The following CEMIP variants were observed in gnomAD, a reference collection of about 807,000 sequenced individuals.
CEMIP encodes the protein cell migration inducing hyaluronidase 1, also known as cell migration-inducing and hyaluronan-binding protein.
Under a neutral mutation model 156.9 loss-of-function variants are expected in CEMIP, and 105 were observed. The ratio of observed to expected loss-of-function variants is 0.67; its 90% CI spans 0.57 to 0.79. The LOEUF (loss-of-function observed/expected upper bound fraction) is 0.79. CEMIP is among the 30% of genes least tolerant of loss of function. CEMIP has a pLI of 0.00. For missense variants in CEMIP, 1,457 were observed against 1,769.4 expected (o/e 0.82, Z 3.17); for synonymous variants, 676 against 668.4 (o/e 1.01, Z -0.17).
chr15:80,866,883 G>C (rs919325616), intron 1 of CEMIP, among the ~76,000 whole-genome samples: 1 of 151,704 alleles, frequency 6.6e-6, no homozygotes, highest in Non-Finnish European at 1.5e-5. Flanking sequence ...AATAGAAACA[G>C]AAGAAGGAAT....
intron 1 of CEMIP, among the ~76,000 whole-genome samples, chr15:80,840,550 C>A (rs541468193): frequency 4.6e-5 from 7 of 152,320 alleles, no homozygotes; most frequent in South Asian, 2.1e-4. Flanking sequence ...TCTGAAATGG[C>A]CTCTCCGGCT....
intron 1 of CEMIP, among the ~76,000 whole-genome samples, chr15:80,840,159 G>A (rs1211719840): frequency 6.6e-6 from 1 of 152,220 alleles, no homozygotes; most frequent in Non-Finnish European, 1.5e-5. Context: ...TCGGAGGGTG[G>A]CCCCAGAAGA....
rs1012973929 is a variant in CEMIP at position 80,875,655 on chromosome 15, C to A, written c.94+1682C>A. On this transcript the variant is annotated intron_variant, in intron 3 of 29. Coordinates refer to ENST00000394685, the MANE Select transcript of CEMIP (RefSeq NM_001293298.2). ...CTCTGATGTCAGAGGGATGTAGAAG[C>A]CAACCCTTGCTATTCATGCTCCAAG... 5.1e-4 allele frequency among the ~76,000 whole-genome samples: 78 copies of A among 152,166 alleles called. 2 individuals are homozygous for A. The highest frequency in any genetic ancestry group is 1.5e-5 in the Non-Finnish European group (1 of 68,024).
intron 1 of CEMIP, among the ~76,000 whole-genome samples, chr15:80,804,618 G>A (rs1896464336): frequency 6.6e-6 from 1 of 152,312 alleles, no homozygotes; most frequent in East Asian, 1.9e-4. Context: ...GATGTCCCAG[G>A]AGAGGTTTCC....
At chr15:80,882,545 T>A (rs1320058184) in intron 6 of CEMIP, among the ~76,000 whole-genome samples, 1 of 152,252 alleles carries the variant, frequency 6.6e-6, no homozygotes, top group Non-Finnish European at 1.5e-5. Context: ...TGGTGCTGTT[T>A]CTTAAGTACA....
intron 17 of CEMIP, among the ~76,000 whole-genome samples, chr15:80,923,909 C>T (rs1468295961): frequency 6.6e-6 from 1 of 152,202 alleles, no homozygotes; most frequent in Non-Finnish European, 1.5e-5. Context: ...TCATCGGACT[C>T]ACATCACCGC....
intron 12 of CEMIP, chr15:80,902,972 A>T (rs534440605): frequency 1.3e-5 from 2 of 152,294 alleles, no homozygotes; most frequent in East Asian, 3.9e-4. Context: ...TCCATTTTAT[A>T]GATGAAGAGC....
rs1000687628 is a variant in CEMIP, at chr15:80,781,977, G to A, written c.-176+2363G>A. ...CCATCTTCACTTTATTTTTGCATCC[G>A]AGAACTTGTTGATGGAATTGATGAA... On this transcript the variant is annotated intron_variant, in intron 1 of 29. Coordinates refer to ENST00000394685, the MANE Select transcript of CEMIP (RefSeq NM_001293298.2). 6.6e-5 allele frequency among the ~76,000 whole-genome samples: 10 copies of A among 152,070 alleles called. 1 individual carries two copies. In the South Asian group the frequency reaches 8.3e-4, roughly 13 times the overall value.
chr15:80,907,253 G>T (rs117439177), intron 13 of CEMIP, among the ~76,000 whole-genome samples: 4 of 152,346 alleles, frequency 2.6e-5, no homozygotes, highest in Admixed American at 1.3e-4. Context: ...ACAATAAGCA[G>T]GTGAGAGGAA....
intron 12 of CEMIP, among the ~76,000 whole-genome samples, chr15:80,905,654 G>A (rs1322306278): frequency 6.6e-6 from 1 of 152,160 alleles, no homozygotes; most frequent in Non-Finnish European, 1.5e-5. Context: ...ATTACTAGGA[G>A]GGGTAGCAGA....
In CEMIP at chr15:80,942,835, T is replaced by C; in HGVS notation, c.3700-110T>C. 5 of 1,260,808 alleles carry C rather than the reference T, an allele frequency of 4.0e-6. No individual in the cohort carries two copies. In the South Asian group the frequency reaches 6.0e-5, roughly 15 times the overall value. The allele number at this position is 1,260,808 out of a possible 1,614,324, so 78.1% of individuals were successfully genotyped here. ...TGGATAATGGAGTTTACGCTTCAAA[T>C]AGATGCATAGGCAACTTCTGCCTTC... On this transcript the variant is annotated intron_variant, in intron 27 of 29. Transcript: ENST00000394685.
At chr15:80,936,434 A>G (rs1176932847) in intron 23 of CEMIP, among the ~76,000 whole-genome samples, 2 of 152,232 alleles carry the variant, frequency 1.3e-5, no homozygotes, top group Admixed American at 6.5e-5. Context: ...TCAACAGAGC[A>G]CTTTTATGAA....
intron 1 of CEMIP, among the ~76,000 whole-genome samples, chr15:80,855,679 C>T (rs979801401): frequency 6.6e-6 from 1 of 152,070 alleles, no homozygotes; most frequent in African/African-American, 2.4e-5. Context: ...TATGCCACCA[C>T]ACTTGGCTAA....
At position 80,949,607 on chromosome 15, in the gene CEMIP, G is replaced by A. The variant is rs1003303348; in HGVS notation, c.*683G>A. On this transcript the variant is annotated 3_prime_UTR_variant, in exon 30 of 30. Coordinates refer to ENST00000394685, the MANE Select transcript of CEMIP (RefSeq NM_001293298.2). ...TTCACATGGTACCTGGAACCCAACA[G>A]TTCATGGATATCCACTGATATCCAT... is the stretch of plus-strand genomic sequence containing the variant. 2 of 163,322 alleles carry A rather than the reference G, an allele frequency of 1.2e-5. No homozygotes were observed. Among genetic ancestry groups the A allele is most frequent in the Non-Finnish European group, 2.7e-5 (2 of 73,522 alleles). 10.1% of individuals were successfully genotyped at this position (163,322 alleles called of 1,614,324 possible).
At chr15:80,790,776 C>G (rs1896061534) in intron 1 of CEMIP, among the ~76,000 whole-genome samples, 1 of 152,148 alleles carries the variant, frequency 6.6e-6, no homozygotes, top group Non-Finnish European at 1.5e-5. Context: ...GTAATTGTAA[C>G]CCGAATGCAC....
chr15:80,823,603 C>T (rs1567059428), intron 1 of CEMIP, among the ~76,000 whole-genome samples: 1 of 152,268 alleles, frequency 6.6e-6, no homozygotes, highest in East Asian at 1.9e-4. Flanking sequence ...CACTTGGGGT[C>T]TCCTGTCCTG....
intron 28 of CEMIP, chr15:80,946,671 TCTC>T (rs1205088236): frequency 2.3e-5 from 10 of 428,806 alleles, no homozygotes; most frequent in African/African-American, 2.0e-4. Context: ...GCTTACATCC[TCTC>T]CTCTGTTTGG....
At chr15:80,825,207 G>C (rs1435139715) in intron 1 of CEMIP, among the ~76,000 whole-genome samples, 1 of 152,172 alleles carries the variant, frequency 6.6e-6, no homozygotes, top group Non-Finnish European at 1.5e-5. Flanking sequence ...AGTTAACTGT[G>C]TACCGGATGG....
In CEMIP at chr15:80,811,832, C is replaced by T. The variant is rs148121730; in HGVS notation, c.-176+32218C>T. ...TCAGCCTCCCAAACTGTTGGGATTA[C>T]AGGCGTGAGCTACCACACCCAGCCC... is the stretch of plus-strand genomic sequence containing the variant. On this transcript the variant is annotated intron_variant, in intron 1 of 29. Coordinates refer to ENST00000394685, the MANE Select transcript of CEMIP (RefSeq NM_001293298.2). 5.3e-5 allele frequency among the ~76,000 whole-genome samples: 8 copies of T among 152,260 alleles called. No homozygotes were observed. In the East Asian group the frequency reaches 1.5e-3, roughly 29 times the overall value.
Sources: allele counts gnomAD v4.1 joint callset (sites outside exome capture counted in the v4.1 genomes callset), GRCh38; gene constraint gnomAD v4.1.1; transcripts MANE v1.5; gene names NCBI Gene and HGNC (gene_info 2026-07-23, HGNC 2026-07-21).